Variants in RUNX1 observed in about 807,000 individuals in gnomAD.
RUNX1 encodes runt-related transcription factor 1.
Under a neutral mutation model 42.8 loss-of-function variants are expected in RUNX1, and 19 were observed. The observed-to-expected ratio is 0.44, with a 90% CI of 0.31 to 0.65. The LOEUF (loss-of-function observed/expected upper bound fraction) is 0.65. Among genes scored for constraint, RUNX1 ranks in the 30% least tolerant of loss-of-function variants. The pLI is 0.07. For synonymous variants in RUNX1, 271 were observed against 289.4 expected, an observed-to-expected ratio of 0.94 and a Z score of 0.64; for missense variants, 528 against 672.0, an observed-to-expected ratio of 0.79 and a Z score of 2.37.
chr21:34,961,032 C>T lies in RUNX1; in HGVS notation c.59-68069G>A, dbSNP rs117029697. On this transcript the variant is annotated intron_variant, in intron 2 of 8. Transcript: ENST00000675419. Reference sequence around the variant, plus strand: ...GTAGGTAGTCTGGGAGCTATAAAAGCTCCTCATTAGTGACAAGATTTTAAC... The same window carrying T: ...GTAGGTAGTCTGGGAGCTATAAAAGTTCCTCATTAGTGACAAGATTTTAAC... Among the ~76,000 whole-genome samples the T allele has an allele frequency of 3.8e-3, 574 of 152,304 alleles. 1 individual carries two copies. Among genetic ancestry groups the T allele is most frequent in the Non-Finnish European group, 7.3e-3 (497 of 68,018 alleles).
At chr21:34,879,157 C>T (rs377655253) in intron 5 of RUNX1, among the ~76,000 whole-genome samples, 8 of 152,324 alleles carry the variant, frequency 5.3e-5, no homozygotes, top group Admixed American at 2.0e-4. Context: ...TCTAGACACA[C>T]ATCTCTGAAT....
rs559174625 is a variant in RUNX1, at chr21:34,888,332, CCTGCCACGCACA to C, written c.98-1248_98-1237del. 3.3e-3 allele frequency: 3,542 copies of C among 1,067,710 alleles called. 10 individuals carry two copies. Among genetic ancestry groups the C allele is most frequent in the Non-Finnish European group, 3.6e-3 (3,196 of 880,856 alleles). The allele number at this position is 1,067,710 out of a possible 1,614,324, so 66.1% of individuals were successfully genotyped here. A position where few individuals can be genotyped will look rare whatever the true frequency, so the allele number is the denominator to read the frequency against. ...GCTCGGGTTACACACGCACGCACAT[CCTGCCACGCACA>C]CTGCCACGCACACGCAACTTCACGG... On this transcript the variant is annotated intron_variant, in intron 3 of 8. Coordinates refer to ENST00000675419, the MANE Select transcript of RUNX1 (RefSeq NM_001754.5).
Position 34,887,251 on chromosome 21 carries a change from G to GGC in RUNX1, c.98-156_98-155insGC, listed in dbSNP as rs2058010482. 6.4e-6 allele frequency: 6 copies of GGC among 943,990 alleles called. No homozygotes were observed. The African/African-American group carries it at 7.3e-5, about 12-fold the overall frequency. The allele number at this position is 943,990 out of a possible 1,614,324, so 58.5% of individuals were successfully genotyped here. On this transcript the variant is annotated intron_variant, in intron 3 of 8. Coordinates refer to ENST00000675419, the MANE Select transcript of RUNX1 (RefSeq NM_001754.5). ...TTATTACTGCGGGGGGTGGGGGGGG[G>GGC]CGGGGGTGGTTAGGGGAGGAGGGAG...
chr21:34,908,885 A>T (rs1388016742), intron 2 of RUNX1, among the ~76,000 whole-genome samples: 1 of 152,124 alleles, frequency 6.6e-6, no homozygotes, highest in Non-Finnish European at 1.5e-5. Flanking sequence ...CTAAAGAAAG[A>T]GGAACAGAGC....
chr21:34,912,040 C>T (rs2058276568), intron 2 of RUNX1, among the ~76,000 whole-genome samples: 1 of 151,666 alleles, frequency 6.6e-6, no homozygotes. Context: ...TGTTGTCCAT[C>T]CTCCAAGTGA....
intron 2 of RUNX1, among the ~76,000 whole-genome samples, chr21:34,979,680 A>G (rs567653131): frequency 6.6e-6 from 1 of 152,300 alleles, no homozygotes; most frequent in Admixed American, 6.5e-5. Context: ...ACATGTCTAT[A>G]TATTATCTGG....
At chr21:34,793,632 T>G (rs969833160) in intron 8 of RUNX1, among the ~76,000 whole-genome samples, 11 of 152,180 alleles carry the variant, frequency 7.2e-5, no homozygotes, top group Non-Finnish European at 1.5e-4. Flanking sequence ...CTGCCTGTGG[T>G]TGCTTTAGAG....
At chr21:34,834,148 G>A (rs1304648409) in intron 7 of RUNX1, 1 of 685,240 alleles carries the variant, frequency 1.5e-6, no homozygotes, top group East Asian at 2.8e-5. Context: ...CATACCCAGA[G>A]CTCCTCGTAT....
At chr21:35,036,624 G>A (rs1329021390) in intron 2 of RUNX1, among the ~76,000 whole-genome samples, 1 of 117,458 alleles carries the variant, frequency 8.5e-6, no homozygotes, top group Non-Finnish European at 1.9e-5. Flanking sequence ...TTATCATGAT[G>A]TCAGAGGACT....
At chr21:34,851,415 T>C (rs149931239) in intron 6 of RUNX1, among the ~76,000 whole-genome samples, 1 of 152,320 alleles carries the variant, frequency 6.6e-6, no homozygotes, top group East Asian at 1.9e-4. Flanking sequence ...TCTCGTCCCA[T>C]TGCCTGGTTC....
chr21:35,010,274 C>T (rs2059116100), intron 2 of RUNX1, among the ~76,000 whole-genome samples: 2 of 151,958 alleles, frequency 1.3e-5, no homozygotes, highest in Non-Finnish European at 2.9e-5. Flanking sequence ...TTTTTAAAAA[C>T]ATATCCAATA....
chr21:34,862,185 A>G (rs1022396809), intron 5 of RUNX1, among the ~76,000 whole-genome samples: 12 of 152,138 alleles, frequency 7.9e-5, no homozygotes, highest in Non-Finnish European at 1.5e-4. Flanking sequence ...GATGCAATAC[A>G]AACGATTTTA....
intron 2 of RUNX1, among the ~76,000 whole-genome samples, chr21:35,005,756 TG>T (rs1300599927): frequency 6.6e-6 from 1 of 152,224 alleles, no homozygotes; most frequent in Non-Finnish European, 1.5e-5. Context: ...TGGCTGCAGC[TG>T]GAAGTCTCCT....
chr21:34,855,896 C>T (rs991715217), intron 6 of RUNX1, among the ~76,000 whole-genome samples: 2 of 152,184 alleles, frequency 1.3e-5, no homozygotes, highest in African/African-American at 2.4e-5. Context: ...GCAGAGGATA[C>T]CTTTTGATGG....
intron 2 of RUNX1, among the ~76,000 whole-genome samples, chr21:34,967,100 C>T (rs2058724378): frequency 6.6e-6 from 1 of 151,658 alleles, no homozygotes; most frequent in Admixed American, 6.6e-5. Context: ...GCGAGTGGAT[C>T]ATGAAGTCAG....
intron 2 of RUNX1, among the ~76,000 whole-genome samples, chr21:35,042,772 C>T (rs534119353): frequency 1.1e-4 from 16 of 152,330 alleles, no homozygotes; most frequent in African/African-American, 3.8e-4. Flanking sequence ...GGAACTCCTG[C>T]CCGTCTGCTC....
intron 2 of RUNX1, among the ~76,000 whole-genome samples, chr21:34,978,649 A>G (rs1461873752): frequency 6.6e-6 from 1 of 152,176 alleles, no homozygotes; most frequent in Non-Finnish European, 1.5e-5. Flanking sequence ...GTTAAAAAGC[A>G]CGAAACTTTT....
At chr21:34,885,151 G>C (rs1277240378) in intron 4 of RUNX1, among the ~76,000 whole-genome samples, 1 of 152,122 alleles carries the variant, frequency 6.6e-6, no homozygotes, top group African/African-American at 2.4e-5. Flanking sequence ...GAGTTCAGAA[G>C]AGACCCTGAT....
At chr21:34,997,638 C>T (rs1342417168) in intron 2 of RUNX1, among the ~76,000 whole-genome samples, 1 of 152,170 alleles carries the variant, frequency 6.6e-6, no homozygotes, top group Non-Finnish European at 1.5e-5. Flanking sequence ...AAGAGAGGGG[C>T]TTACACCCCA....
Sources: gnomAD v4.1 joint callset for allele counts (sites outside exome capture counted in the v4.1 genomes callset) on GRCh38, gnomAD v4.1.1 for gene constraint, MANE v1.5 for transcripts, NCBI Gene and HGNC (gene_info 2026-07-23, HGNC 2026-07-21) for gene names.